LSP1: variants seen among roughly 807,000 people sequenced by gnomAD.
LSP1 encodes the protein lymphocyte specific protein 1, also known as lymphocyte-specific protein 1.
Under a neutral mutation model 49.3 loss-of-function variants are expected in LSP1, and 32 were observed. The observed-to-expected ratio is 0.65, with a 90% CI of 0.49 to 0.87. LSP1 has a LOEUF of 0.87. Ranked by LOEUF, LSP1 falls within the 40% of genes least tolerant of loss-of-function variation. The pLI is 0.00. For missense variants in LSP1, 428 were observed against 442.6 expected (o/e 0.97, Z 0.30); for synonymous variants, 179 against 178.8 (o/e 1.00, Z -0.01).
intron 1 of LSP1, chr11:1,864,326 G>A: frequency 2.3e-6 from 2 of 868,236 alleles, no homozygotes; most frequent in Non-Finnish European, 2.8e-6. Context: ...CTGGCAGAGG[G>A]CATGAGGCAC....
At chr11:1,890,139 A>T in intron 10 of LSP1, 1 of 717,092 alleles carries the variant, frequency 1.4e-6, no homozygotes, top group East Asian at 2.7e-5. Flanking sequence ...CTGGGGCCCC[A>T]TGGCCCTGAA....
At chr11:1,887,108 A>G (rs917687334) in intron 8 of LSP1, 129 bp from the exon 9 acceptor site, 2 of 1,003,074 alleles carry the variant, frequency 2.0e-6, no homozygotes, top group Non-Finnish European at 2.9e-6. Flanking sequence ...GATCACACAG[A>G]AAAAGTTTAG....
Position 1,889,375 on chromosome 11 carries a change from C to T in LSP1, c.*13+1799C>T, listed in dbSNP as rs184167500. The T allele has an allele frequency of 3.0e-4, 210 of 707,700 alleles. 1 individual carries two copies. The highest frequency in any genetic ancestry group is 1.9e-4 in the Non-Finnish European group (74 of 380,430). The allele number at this position is 707,700 out of a possible 1,614,324, so 43.8% of individuals were successfully genotyped here. A position where few individuals can be genotyped will look rare whatever the true frequency, so the allele number is the denominator to read the frequency against. ...TCCGCCACTGACATGCGGTACAGCA[C>T]GGCATCCCACATCCTGGAGGTCCGG... is the stretch of plus-strand genomic sequence containing the variant. On this transcript the variant is annotated intron_variant, in intron 10 of 10. Transcript: ENST00000311604.
In LSP1 at chr11:1,853,181, C is replaced by T. The variant is rs148966414; in HGVS notation, c.37C>T (p.Arg13Trp). ...TTCGAGTGACCCGGGTGCCGAGGAG[C>T]GGGAAGAGTTGCTGGGGTAAGGGTC... is the stretch of plus-strand genomic sequence containing the variant. ...EASSDPGAEEREELLGPTAQW... is the reference protein window; with the variant it reads ...EASSDPGAEEWEELLGPTAQW... The change falls in exon 1 of 11, where the codon CGG (arginine) becomes TGG (tryptophan). Residue 13 changes from arginine (R) to tryptophan (W), a missense_variant. Physicochemically the swap from Arg to Trp is moderately radical, Grantham distance 101. Coordinates refer to ENST00000311604, the MANE Select transcript of LSP1 (RefSeq NM_002339.3). 3.8e-5 allele frequency: 62 copies of T among 1,610,996 alleles called. No individual in the cohort carries two copies. Among genetic ancestry groups the T allele is most frequent in the Non-Finnish European group, 3.0e-5 (35 of 1,179,356 alleles).
chr11:1,890,260 C>A (rs1345068895), intron 10 of LSP1: 1 of 714,544 alleles, frequency 1.4e-6, no homozygotes. Context: ...GGTAGGGCAG[C>A]CACCATGCGG....
intron 1 of LSP1, chr11:1,870,002 G>A (rs1847931234): frequency 5.2e-6 from 2 of 385,860 alleles, no homozygotes; most frequent in Non-Finnish European, 1.1e-5. Context: ...ACCCCTGCGT[G>A]AGACGTGAGA....
intron 1 of LSP1, among the ~76,000 whole-genome samples, chr11:1,857,802 T>A (rs1398237705): frequency 3.9e-5 from 6 of 152,202 alleles, no homozygotes; most frequent in Non-Finnish European, 8.8e-5. Flanking sequence ...TTGCCCAGAC[T>A]GTAGTGCAGT....
At chr11:1,866,026 G>A (rs897483998) in intron 1 of LSP1, among the ~76,000 whole-genome samples, 1 of 152,048 alleles carries the variant, frequency 6.6e-6, no homozygotes, top group Non-Finnish European at 1.5e-5. Context: ...ATGGGGTCAG[G>A]TGGGAGAGCA....
At chr11:1,871,220 G>A in intron 1 of LSP1, 3 of 986,584 alleles carry the variant, frequency 3.0e-6, no homozygotes, top group Non-Finnish European at 3.6e-6. Context: ...GGGGAAGAAA[G>A]AGCAGGCACG....
intron 1 of LSP1, among the ~76,000 whole-genome samples, chr11:1,872,530 T>C (rs1282882110): frequency 6.6e-4 from 54 of 82,144 alleles, no homozygotes; most frequent in African/African-American, 8.7e-4. Context: ...GTCACCCTGG[T>C]GCACGCTGGT....
At chr11:1,873,963 C>CCCAGCGGAGGAGGGAGG (rs1848172873) in intron 1 of LSP1, among the ~76,000 whole-genome samples, 1 of 34,140 alleles carries the variant, frequency 2.9e-5, no homozygotes, top group Non-Finnish European at 6.2e-5. Context: ...GAGCAGGGAG[C>CCCAGCGGAGGAGGGAGG]CCGGCGGAGG....
chr11:1,881,272 A>C, intron 2 of LSP1, 160 bp from the exon 3 acceptor site: 2 of 659,566 alleles, frequency 3.0e-6, no homozygotes, highest in Non-Finnish European at 2.5e-6. Context: ...GCCCTCAGGT[A>C]TTCTGACCAC....
intron 10 of LSP1, chr11:1,889,836 G>A (rs1340120106): frequency 3.6e-5 from 23 of 634,522 alleles, no homozygotes; most frequent in Middle Eastern, 2.5e-4. Flanking sequence ...GCCGGGTGGC[G>A]GCCGTGGTAC....
intron 1 of LSP1, among the ~76,000 whole-genome samples, chr11:1,856,343 C>T (rs1847489269): frequency 6.6e-6 from 1 of 152,270 alleles, no homozygotes; most frequent in Admixed American, 6.5e-5. Flanking sequence ...CTTCCCATCC[C>T]ACCAGCTTTC....
intron 1 of LSP1, among the ~76,000 whole-genome samples, chr11:1,857,597 C>T (rs914114071): frequency 6.6e-6 from 1 of 152,204 alleles, no homozygotes; most frequent in Non-Finnish European, 1.5e-5. Flanking sequence ...GGATGGGCTG[C>T]AAGGCCCCAG....
chr11:1,866,594 C>G (rs1847797991), intron 1 of LSP1: 1 of 1,549,962 alleles, frequency 6.5e-7, no homozygotes, highest in South Asian at 1.2e-5. Flanking sequence ...TCCCCCTACC[C>G]CTGGCCCCCC....
intron 1 of LSP1, 23 bp downstream of exon 1, chr11:1,853,220 G>A (rs768296664): frequency 1.7e-5 from 28 of 1,602,886 alleles, no homozygotes; most frequent in South Asian, 3.3e-5. Context: ...GGCGACGCCC[G>A]GCGCCCTGTG....
At chr11:1,886,934 G>C (rs1848778670) in intron 8 of LSP1, 68 bp downstream of exon 8, 2 of 1,559,866 alleles carry the variant, frequency 1.3e-6, no homozygotes, top group Admixed American at 1.8e-5. Context: ...AGCAGGCCGG[G>C]TTTCCTTGTT....
chr11:1,876,914 G>A (rs897870838), intron 1 of LSP1, among the ~76,000 whole-genome samples: 5 of 152,186 alleles, frequency 3.3e-5, no homozygotes, highest in Non-Finnish European at 5.9e-5. Flanking sequence ...GACTGTGAGG[G>A]TGCGGGGGTG....
Sources: allele counts gnomAD v4.1 joint callset (sites outside exome capture counted in the v4.1 genomes callset), GRCh38; gene constraint gnomAD v4.1.1; transcripts MANE v1.5; gene names NCBI Gene and HGNC (gene_info 2026-07-23, HGNC 2026-07-21).